The following CFAP251 variants were observed in gnomAD, a reference collection of about 807,000 sequenced individuals.
CFAP251 encodes the protein cilia- and flagella-associated protein 251.
In CFAP251, 93 loss-of-function variants were observed where a neutral mutation model predicts 126.7. That is an observed-to-expected ratio of 0.73 (90% confidence interval 0.62 to 0.87). The LOEUF (loss-of-function observed/expected upper bound fraction) is 0.87. CFAP251 is among the 40% of genes least tolerant of loss of function. The pLI is 0.00. For missense variants in CFAP251, 1,287 were observed against 1,389.2 expected (o/e 0.93, Z 1.17); for synonymous variants, 503 against 506.9 (o/e 0.99, Z 0.10).
intron 1 of CFAP251, among the ~76,000 whole-genome samples, chr12:121,920,139 G>T (rs1165823424): frequency 6.7e-6 from 1 of 149,272 alleles, no homozygotes; most frequent in Non-Finnish European, 1.5e-5. Context: ...AGCCAAGATC[G>T]TGCCACTGCA....
intron 17 of CFAP251, among the ~76,000 whole-genome samples, chr12:121,968,598 A>T (rs1882230692): frequency 6.6e-6 from 1 of 152,092 alleles, no homozygotes; most frequent in Admixed American, 6.5e-5. Flanking sequence ...AGAATTCTAG[A>T]GTTGAACATT....
intron 19 of CFAP251, among the ~76,000 whole-genome samples, 195 bp downstream of exon 19, chr12:121,975,880 G>A (rs547198256): frequency 2.6e-5 from 4 of 152,236 alleles, no homozygotes; most frequent in South Asian, 2.1e-4. Flanking sequence ...TCTGAAAGGC[G>A]CACTCCTCAT....
chr12:121,945,816 C>T (rs1881304434), intron 7 of CFAP251, among the ~76,000 whole-genome samples: 1 of 151,764 alleles, frequency 6.6e-6, no homozygotes, highest in African/African-American at 2.4e-5. Context: ...CAGGCGCCCA[C>T]CACCACGCCT....
intron 3 of CFAP251, among the ~76,000 whole-genome samples, chr12:121,927,884 G>T (rs1390980476): frequency 6.6e-6 from 1 of 152,176 alleles, no homozygotes; most frequent in Admixed American, 6.6e-5. Context: ...ATGAAATCTG[G>T]TTTTGACAGC....
chr12:121,958,389 A>G lies in CFAP251; in HGVS notation c.1848A>G (p.Pro616=), dbSNP rs371093636. 16 of 1,614,108 alleles carry G rather than the reference A, an allele frequency of 9.9e-6. No individual in the cohort carries two copies. The highest frequency in any genetic ancestry group is 1.2e-5 in the Non-Finnish European group (14 of 1,180,048). The change falls in exon 12 of 22, where the codon CCA becomes CCG. Residue 616 remains proline, a synonymous_variant. Transcript: ENST00000288912. ...KDAICAISCH[P]YQPLIAIGSI... is the part of the protein sequence containing the mutation. ...CCATTTGTGCCATCTCCTGCCACCC[A>G]TATCAACCCCTCATTGCCATCGGGA...
chr12:121,958,808 G>A, intron 12 of CFAP251, 135 bp from the exon 13 acceptor site: 2 of 1,155,600 alleles, frequency 1.7e-6, no homozygotes, highest in Middle Eastern at 2.9e-4. Context: ...CACGCGTTTC[G>A]GTTCATTTCT....
At chr12:121,966,921 G>A in intron 15 of CFAP251, 34 bp from the exon 16 acceptor site, 1 of 1,597,134 alleles carries the variant, frequency 6.3e-7, no homozygotes, top group Non-Finnish European at 8.6e-7. Context: ...GAGATTTGTG[G>A]AATTTTAAAA....
rs921145061 is a variant in CFAP251 at position 121,923,987 on chromosome 12, C to G, written c.744C>G (p.Pro248=). Residue 248 remains proline (P), a synonymous_variant, in exon 3 of 22, where the codon CCC becomes CCG. Coordinates refer to ENST00000288912, the MANE Select transcript of CFAP251 (RefSeq NM_144668.6). ...AGGATAAAAGCACCCCGGTGTATCC[C>G]TTGGTAAGTGTAATGCTTTTAAATC... ...FQKDKSTPVY[P]LTMTWSFGWN... 1 of 1,599,316 alleles carries G rather than the reference C, an allele frequency of 6.3e-7. No individual in the cohort carries two copies. The highest frequency in any genetic ancestry group is 8.5e-7 in the Non-Finnish European group (1 of 1,174,936).
chr12:122,001,055 CT>C (rs1177422104), intron 20 of CFAP251, among the ~76,000 whole-genome samples: 25,842 of 117,168 alleles, frequency 0.22, 2,046 homozygotes, highest in East Asian at 0.42. Context: ...GTTTTTGTTG[CT>C]TTTTTTTTTT....
chr12:121,942,470 C>T (rs1281088004), intron 5 of CFAP251, 64 bp from the exon 6 acceptor site: 3 of 1,214,512 alleles, frequency 2.5e-6, no homozygotes, highest in African/African-American at 3.0e-5. Flanking sequence ...CAGACCTGCC[C>T]TGGGACTCTC....
At chr12:121,954,662 A>C (rs866635818) in intron 10 of CFAP251, among the ~76,000 whole-genome samples, 3 of 147,012 alleles carry the variant, frequency 2.0e-5, no homozygotes, top group African/African-American at 4.9e-5. Flanking sequence ...AAAAAAAAAA[A>C]AAAAAACCTC....
At chr12:121,975,203 T>C (rs1205415092) in intron 17 of CFAP251, 41 bp from the exon 18 acceptor site, 2 of 1,576,168 alleles carry the variant, frequency 1.3e-6, no homozygotes, top group Non-Finnish European at 1.7e-6. Context: ...ATGCTCATGC[T>C]TGAGCGCTTT....
intron 10 of CFAP251, among the ~76,000 whole-genome samples, 158 bp downstream of exon 10, chr12:121,954,492 G>C (rs1881645455): frequency 6.6e-6 from 1 of 151,712 alleles, no homozygotes; most frequent in African/African-American, 2.4e-5. Context: ...AGACCAGCCT[G>C]GGCAACATAG....
chr12:121,991,745 G>T (rs193253037), intron 19 of CFAP251, among the ~76,000 whole-genome samples: 1 of 152,284 alleles, frequency 6.6e-6, no homozygotes, highest in East Asian at 1.9e-4. Context: ...TGTAATCCCA[G>T]CAATTTGGGA....
rs771636297 is a variant in CFAP251, at chr12:121,958,269, C to G, written c.1731-3C>G. ...TATTGTTTGGTCTCTCCTTGGCAAA[C>G]AGGAATTTTATCATTGGAACATCTG... is the stretch of plus-strand genomic sequence containing the variant. On this transcript the variant is annotated splice_region_variant and splice_polypyrimidine_tract_variant and intron_variant, in intron 11 of 21. Transcript: ENST00000288912. The G allele has an allele frequency of 1.2e-6, 2 of 1,613,756 alleles. No homozygotes were observed. Among genetic ancestry groups the G allele is most frequent in the Admixed American group, 3.3e-5 (2 of 60,008 alleles).
chr12:121,967,680 C>T (rs141043168), intron 16 of CFAP251, among the ~76,000 whole-genome samples: 150 of 152,178 alleles, frequency 9.9e-4, no homozygotes, highest in African/African-American at 3.2e-3. Flanking sequence ...CCAGCCTGGA[C>T]GACAGAGTGA....
chr12:121,942,965 A>C lies in CFAP251; in HGVS notation c.1181A>C (p.Tyr394Ser). The change falls in exon 7 of 22, where the codon TAC becomes TCC. Residue 394 changes from tyrosine to serine, a missense_variant. Transcript: ENST00000288912. ...TGCACTCTCGAACTCCCCACAGAGT[A>C]CGGTGTTCAGGTGAGTTCAGTTGGA... ...PACTLELPTE[Y>S]GVQNYVTFNP... 6.2e-7 allele frequency: 1 copy of C among 1,614,176 alleles called. No individual in the cohort carries two copies. The highest frequency in any genetic ancestry group is 8.5e-7 in the Non-Finnish European group (1 of 1,180,016).
chr12:121,967,967 T>C (rs780853131), intron 16 of CFAP251, 39 bp from the exon 17 acceptor site: 9 of 1,568,714 alleles, frequency 5.7e-6, no homozygotes, highest in Non-Finnish European at 7.8e-6. Flanking sequence ...CGGGCCCAGC[T>C]ACCTGAGTCT....
chr12:121,932,698 GA>G (rs1367545299), intron 4 of CFAP251: 1 of 152,186 alleles, frequency 6.6e-6, no homozygotes, highest in Non-Finnish European at 1.5e-5. Context: ...AAAACACCAC[GA>G]GGTATTTACC....
Sources: gnomAD v4.1 joint callset for allele counts (sites outside exome capture counted in the v4.1 genomes callset) on GRCh38, gnomAD v4.1.1 for gene constraint, MANE v1.5 for transcripts, NCBI Gene and HGNC (gene_info 2026-07-23, HGNC 2026-07-21) for gene names.